The following CBFA2T2 variants were observed in gnomAD, a reference collection of about 807,000 sequenced individuals.
CBFA2T2 encodes CBFA2/RUNX1 partner transcriptional co-repressor 2, also known as protein CBFA2T2.
CBFA2T2 carries 11 observed loss-of-function variants against 62.2 expected under a neutral mutation model. The observed-to-expected ratio is 0.18, with a 90% CI of 0.11 to 0.29. The LOEUF (loss-of-function observed/expected upper bound fraction) is 0.29, where lower values mean the gene tolerates loss of function less well. CBFA2T2 is among the 10% of genes least tolerant of loss of function. The probability of loss-of-function intolerance (pLI) is 1.00; values close to 1 mark genes in which losing one functional copy is unlikely to be tolerated. For synonymous variants in CBFA2T2, 295 were observed against 287.5 expected, an observed-to-expected ratio of 1.03 and a Z score of -0.27; for missense variants, 592 against 774.1, an observed-to-expected ratio of 0.76 and a Z score of 2.79.
intron 1 of CBFA2T2, among the ~76,000 whole-genome samples, chr20:33,539,818 C>G (rs972301453): frequency 1.3e-5 from 2 of 151,774 alleles, no homozygotes; most frequent in Non-Finnish European, 2.9e-5. Context: ...TCCTGAGTAG[C>G]TGGGACTATA....
At chr20:33,505,790 A>T (rs1196989520) in intron 1 of CBFA2T2, among the ~76,000 whole-genome samples, 1 of 151,996 alleles carries the variant, frequency 6.6e-6, no homozygotes, top group African/African-American at 2.4e-5. Flanking sequence ...TTCAAAAAAA[A>T]AAAGAAAGAA....
At chr20:33,596,721 G>C (rs1399509521) in intron 1 of CBFA2T2, among the ~76,000 whole-genome samples, 1 of 151,904 alleles carries the variant, frequency 6.6e-6, no homozygotes, top group East Asian at 1.9e-4. Flanking sequence ...TCCCACCCCA[G>C]GCCTCAGCTC....
At chr20:33,593,938 T>C (rs542730832) in intron 1 of CBFA2T2, among the ~76,000 whole-genome samples, 1 of 152,310 alleles carries the variant, frequency 6.6e-6, no homozygotes, top group East Asian at 1.9e-4. Flanking sequence ...ATCATGGCAT[T>C]CAAGCCAAGG....
chr20:33,635,658 A>G (rs1203898726), intron 8 of CBFA2T2, among the ~76,000 whole-genome samples: 1 of 152,208 alleles, frequency 6.6e-6, no homozygotes, highest in East Asian at 1.9e-4. Context: ...GCTTGAGGCC[A>G]GGAATCCAAG....
intron 1 of CBFA2T2, among the ~76,000 whole-genome samples, chr20:33,554,248 C>CT (rs1300197608): frequency 1.1e-4 from 16 of 146,510 alleles, no homozygotes; most frequent in South Asian, 2.2e-4. Context: ...ATTTTTCTTA[C>CT]TTTTTTCTTT....
chr20:33,623,981 A>G (rs1192979177), intron 5 of CBFA2T2: 3 of 587,230 alleles, frequency 5.1e-6, no homozygotes, highest in Non-Finnish European at 6.1e-6. Flanking sequence ...AAAGAAAAGA[A>G]AAAACAAAAA....
At chr20:33,605,643 G>A (rs2122283930) in intron 1 of CBFA2T2, among the ~76,000 whole-genome samples, 1 of 152,170 alleles carries the variant, frequency 6.6e-6, no homozygotes, top group South Asian at 2.1e-4. Flanking sequence ...ATTATTAATT[G>A]TTCCCATAGA....
At chr20:33,511,818 G>C (rs2011516711) in intron 1 of CBFA2T2, among the ~76,000 whole-genome samples, 1 of 151,880 alleles carries the variant, frequency 6.6e-6, no homozygotes, top group African/African-American at 2.4e-5. Context: ...CAGGAGTTCT[G>C]AGGATGCAGT....
At chr20:33,602,057 A>G (rs1389976056) in intron 1 of CBFA2T2, among the ~76,000 whole-genome samples, 1 of 152,046 alleles carries the variant, frequency 6.6e-6, no homozygotes, top group Non-Finnish European at 1.5e-5. Context: ...GTGTCTAGCA[A>G]TTCTCCCGTC....
At chr20:33,642,350 T>C (rs1268588881) in intron 10 of CBFA2T2, among the ~76,000 whole-genome samples, 1 of 152,052 alleles carries the variant, frequency 6.6e-6, no homozygotes, top group Admixed American at 6.6e-5. Context: ...GCTTGTAATC[T>C]CAGCACTTTG....
intron 1 of CBFA2T2, among the ~76,000 whole-genome samples, chr20:33,536,696 G>A (rs1402626589): frequency 4.0e-5 from 6 of 151,748 alleles, no homozygotes; most frequent in Admixed American, 3.9e-4. Flanking sequence ...CCTCCCAGAC[G>A]GGGTCGCAGC....
intron 1 of CBFA2T2, among the ~76,000 whole-genome samples, chr20:33,530,605 C>T (rs571745180): frequency 4.0e-5 from 6 of 151,494 alleles, no homozygotes; most frequent in East Asian, 2.0e-4. Flanking sequence ...TTTGTAAAGA[C>T]GGGGTTTCAC....
intron 1 of CBFA2T2, among the ~76,000 whole-genome samples, chr20:33,605,334 G>T (rs756203237): frequency 2.0e-5 from 3 of 152,072 alleles, no homozygotes; most frequent in Non-Finnish European, 2.9e-5. Context: ...ACTTTAATTT[G>T]AATTCAGCAG....
intron 1 of CBFA2T2, among the ~76,000 whole-genome samples, chr20:33,587,624 C>A (rs1162991138): frequency 6.6e-6 from 1 of 152,096 alleles, no homozygotes; most frequent in Non-Finnish European, 1.5e-5. Flanking sequence ...TGGTCTCAAT[C>A]TCCTGACCTC....
At chr20:33,588,668 T>C (rs775628416) in intron 1 of CBFA2T2, among the ~76,000 whole-genome samples, 4 of 152,254 alleles carry the variant, frequency 2.6e-5, no homozygotes, top group Non-Finnish European at 4.4e-5. Flanking sequence ...TGAAAAGGGC[T>C]GGGCATGGTG....
At chr20:33,643,732 C>G (rs2016933099) in intron 10 of CBFA2T2, among the ~76,000 whole-genome samples, 1 of 102,546 alleles carries the variant, frequency 9.8e-6, no homozygotes, top group African/African-American at 3.3e-5. Context: ...GCCTGGCCAA[C>G]ATGGCAAAAC....
chr20:33,504,983 C>T (rs1225642035), intron 1 of CBFA2T2, among the ~76,000 whole-genome samples: 1 of 152,172 alleles, frequency 6.6e-6, no homozygotes, highest in African/African-American at 2.4e-5. Flanking sequence ...CTTATTTACA[C>T]ATCATTTGCA....
intron 1 of CBFA2T2, among the ~76,000 whole-genome samples, chr20:33,549,895 G>A (rs1297131286): frequency 7.1e-6 from 1 of 140,044 alleles, no homozygotes; most frequent in Non-Finnish European, 1.5e-5. Flanking sequence ...TAAATCAGGT[G>A]TCCTGAGAGA....
intron 1 of CBFA2T2, among the ~76,000 whole-genome samples, chr20:33,546,812 A>G (rs1208889065): frequency 6.6e-6 from 1 of 151,770 alleles, no homozygotes; most frequent in Admixed American, 6.6e-5. Flanking sequence ...TTTCTTTACA[A>G]TTGAGTTTAC....
Sources: allele counts gnomAD v4.1 joint callset (sites outside exome capture counted in the v4.1 genomes callset), GRCh38; gene constraint gnomAD v4.1.1; transcripts MANE v1.5; gene names NCBI Gene and HGNC (gene_info 2026-07-23, HGNC 2026-07-21).